The following CCSER1 variants were observed in gnomAD, a reference collection of about 807,000 sequenced individuals.
CCSER1 encodes coiled-coil serine rich protein 1.
In CCSER1, 41 loss-of-function variants were observed where a neutral mutation model predicts 82.0. That is an observed-to-expected ratio of 0.50 (90% confidence interval 0.39 to 0.65). The LOEUF is 0.65. Among genes scored for constraint, CCSER1 ranks in the 30% least tolerant of loss-of-function variants. The pLI is 0.00. For synonymous variants in CCSER1, 414 were observed against 383.9 expected (o/e 1.08, Z -0.92); for missense variants, 1,119 against 1,064.2 (o/e 1.05, Z -0.72).
At chr4:90,355,992 T>C (rs1316669701) in intron 3 of CCSER1, among the ~76,000 whole-genome samples, 1 of 151,956 alleles carries the variant, frequency 6.6e-6, no homozygotes, top group Non-Finnish European at 1.5e-5. Context: ...ATTGTCTTAA[T>C]TGGCCAACTA....
chr4:90,212,690 A>C (rs1206046056), intron 1 of CCSER1, among the ~76,000 whole-genome samples: 1 of 152,230 alleles, frequency 6.6e-6, no homozygotes, highest in Non-Finnish European at 1.5e-5. Flanking sequence ...GTATAGATAT[A>C]TTGTATGTCT....
chr4:91,596,616 A>G (rs1560790344), intron 10 of CCSER1, among the ~76,000 whole-genome samples: 1 of 152,048 alleles, frequency 6.6e-6, no homozygotes, highest in Non-Finnish European at 1.5e-5. Context: ...AGAAGAAGAA[A>G]GTGAGCTAGA....
intron 10 of CCSER1, among the ~76,000 whole-genome samples, chr4:91,495,697 A>G (rs1758765161): frequency 6.6e-6 from 1 of 151,590 alleles, no homozygotes; most frequent in South Asian, 2.1e-4. Context: ...CCCAAAACAT[A>G]TTGTCTGATT....
rs142857215 is a variant in CCSER1, at chr4:91,218,649, T to C, written c.2217+132655T>C. ...TTCATTGAATTGTTGGGCACAACTG[T>C]TGTTCTTGTATACTTAGCACTTTCC... On this transcript the variant is annotated intron_variant, in intron 10 of 10. Coordinates refer to ENST00000509176, the MANE Select transcript of CCSER1 (RefSeq NM_001145065.2). Among the ~76,000 whole-genome samples, 60 of 152,372 alleles carry C rather than the reference T, an allele frequency of 3.9e-4. 1 individual carries two copies. The highest frequency in any genetic ancestry group is 3.6e-3 in the Admixed American group (55 of 15,312).
At chr4:90,755,504 C>G (rs1749366394) in intron 7 of CCSER1, among the ~76,000 whole-genome samples, 1 of 152,128 alleles carries the variant, frequency 6.6e-6, no homozygotes, top group Non-Finnish European at 1.5e-5. Flanking sequence ...GCACTTTATT[C>G]TGGCAGATGA....
At chr4:91,143,687 G>A (rs773405219) in intron 10 of CCSER1, among the ~76,000 whole-genome samples, 4 of 151,798 alleles carry the variant, frequency 2.6e-5, no homozygotes, top group Non-Finnish European at 5.9e-5. Context: ...ATCATGAAGT[G>A]GTGTTGTATT....
rs1732179885 is a variant in CCSER1 at position 90,297,435 on chromosome 4, G to C, written c.-41-10809G>C. 5.9e-5 allele frequency among the ~76,000 whole-genome samples: 9 copies of C among 152,108 alleles called. No individual in the cohort carries two copies. In the South Asian group the frequency reaches 1.5e-3, roughly 25 times the overall value. ...TTCTAGATATATAATCATGTCATCT[G>C]CAAACAGGGACAGTTTGACTTCCTC... On this transcript the variant is annotated intron_variant, in intron 1 of 10. Transcript: ENST00000509176.
chr4:90,860,774 G>C (rs1418688751), intron 8 of CCSER1, among the ~76,000 whole-genome samples: 1 of 151,538 alleles, frequency 6.6e-6, no homozygotes, highest in Non-Finnish European at 1.5e-5. Context: ...GGCCATATAT[G>C]GTATTATTCC....
chr4:90,304,622 G>A (rs545259614), intron 1 of CCSER1, among the ~76,000 whole-genome samples: 121 of 152,156 alleles, frequency 8.0e-4, no homozygotes, highest in African/African-American at 2.8e-3. Flanking sequence ...CACAGGAAGG[G>A]GAACATCACA....
At chr4:90,893,581 G>C (rs894929992) in intron 8 of CCSER1, among the ~76,000 whole-genome samples, 6 of 152,046 alleles carry the variant, frequency 3.9e-5, no homozygotes, top group Non-Finnish European at 5.9e-5. Flanking sequence ...GCCCTAAGCT[G>C]TGGCCACCCA....
chr4:91,261,926 A>G (rs1346325603), intron 10 of CCSER1, among the ~76,000 whole-genome samples: 1 of 152,178 alleles, frequency 6.6e-6, no homozygotes, highest in Non-Finnish European at 1.5e-5. Context: ...CTAGTAGTAA[A>G]CAGCCTGAAT....
At chr4:90,962,677 G>A (rs1320449859) in intron 9 of CCSER1, among the ~76,000 whole-genome samples, 1 of 152,000 alleles carries the variant, frequency 6.6e-6, no homozygotes, top group East Asian at 1.9e-4. Context: ...TATTTAGTAG[G>A]GTACTGTACA....
intron 9 of CCSER1, among the ~76,000 whole-genome samples, chr4:90,930,294 A>T (rs139812762): frequency 6.6e-6 from 1 of 152,158 alleles, no homozygotes; most frequent in Non-Finnish European, 1.5e-5. Context: ...TAGTGTACTA[A>T]GTGAGATTAT....
At chr4:91,530,544 A>G (rs1237848879) in intron 10 of CCSER1, among the ~76,000 whole-genome samples, 1 of 152,118 alleles carries the variant, frequency 6.6e-6, no homozygotes, top group African/African-American at 2.4e-5. Flanking sequence ...TGTAAAAAGT[A>G]CATTATTCAC....
intron 10 of CCSER1, among the ~76,000 whole-genome samples, chr4:91,196,178 C>CAAAAAAAAAAAAA (rs61336014): frequency 9.9e-5 from 6 of 60,810 alleles, no homozygotes; most frequent in Non-Finnish European, 2.1e-4. Context: ...AACAGCGAGA[C>CAAAAAAAAAAAAA]AAAAAAAAAA....
intron 9 of CCSER1, among the ~76,000 whole-genome samples, chr4:90,969,800 T>C (rs1734916569): frequency 6.6e-6 from 1 of 151,936 alleles, no homozygotes; most frequent in African/African-American, 2.4e-5. Flanking sequence ...GCAGTGGTAG[T>C]GTGTAAACTA....
At chr4:91,249,286 G>A (rs1032667695) in intron 10 of CCSER1, among the ~76,000 whole-genome samples, 1 of 152,074 alleles carries the variant, frequency 6.6e-6, no homozygotes, top group Admixed American at 6.6e-5. Flanking sequence ...TTTTAACCAA[G>A]GGGGAGGAAA....
intron 1 of CCSER1, among the ~76,000 whole-genome samples, chr4:90,200,708 A>G (rs868807467): frequency 1.3e-5 from 2 of 151,908 alleles, no homozygotes; most frequent in African/African-American, 4.8e-5. Context: ...CCTTATAAAG[A>G]TTACCTACTA....
chr4:90,278,697 C>T (rs1393896799), intron 1 of CCSER1, among the ~76,000 whole-genome samples: 1 of 151,728 alleles, frequency 6.6e-6, no homozygotes, highest in Non-Finnish European at 1.5e-5. Flanking sequence ...TGGAAGGGGG[C>T]AAGGGCTGAA....
Sources: allele counts gnomAD v4.1 joint callset (sites outside exome capture counted in the v4.1 genomes callset), GRCh38; gene constraint gnomAD v4.1.1; transcripts MANE v1.5; gene names NCBI Gene and HGNC (gene_info 2026-07-23, HGNC 2026-07-21).